ASB15: variants seen among roughly 807,000 people sequenced by gnomAD.
ASB15 encodes ankyrin repeat and SOCS box protein 15.
ASB15 carries 54 observed loss-of-function variants against 58.0 expected under a neutral mutation model. The ratio of observed to expected loss-of-function variants is 0.93; its 90% CI spans 0.75 to 1.17. The LOEUF (loss-of-function observed/expected upper bound fraction) is 1.17. Ranked by LOEUF, ASB15 falls within the 50% of genes most tolerant of loss-of-function variation. The pLI, the probability that ASB15 is intolerant of heterozygous loss-of-function variation, is 0.00. For synonymous variants in ASB15, 249 were observed against 262.4 expected (o/e 0.95, Z 0.50); for missense variants, 680 against 707.4 (o/e 0.96, Z 0.44).
chr7:123,602,918 T>G (rs969418849), intron 1 of ASB15, among the ~76,000 whole-genome samples: 2 of 152,136 alleles, frequency 1.3e-5, no homozygotes, highest in African/African-American at 4.8e-5. Flanking sequence ...ACTAGATATG[T>G]GGGCTTAGGT....
At position 123,636,884 on chromosome 7, in the gene ASB15, C is replaced by G. The variant is rs759111780; in HGVS notation, c.1670C>G (p.Pro557Arg). The change falls in exon 12 of 12, where the codon CCA (proline) becomes CGA (arginine). Residue 557 changes from proline to arginine, a missense_variant. Coordinates refer to ENST00000451215, the MANE Select transcript of ASB15 (RefSeq NM_001290258.2). ...ATGGGTCTCCAGAAACTCTGCCAGC[C>G]AGCCTCAGTGGAGAAGCTTCCTCTA... ...RLMGLQKLCQ[P>R]ASVEKLPLPP... 2 of 1,605,762 alleles carry G rather than the reference C, an allele frequency of 1.2e-6. No individual in the cohort carries two copies. The highest frequency in any genetic ancestry group is 1.7e-5 in the Admixed American group (1 of 59,972).
At chr7:123,624,313 C>T (rs1161399994) in intron 7 of ASB15, among the ~76,000 whole-genome samples, 1 of 152,032 alleles carries the variant, frequency 6.6e-6, no homozygotes. Context: ...CCTAGTGATA[C>T]GTGTTATTTT....
chr7:123,596,082 T>C, intron 1 of ASB15, among the ~76,000 whole-genome samples: 1 of 152,168 alleles, frequency 6.6e-6, no homozygotes, highest in Non-Finnish European at 1.5e-5. Context: ...ACTTATACTG[T>C]TCTACTAAAG....
At chr7:123,624,281 AAG>A (rs1304770494) in intron 7 of ASB15, among the ~76,000 whole-genome samples, 1 of 152,220 alleles carries the variant, frequency 6.6e-6, no homozygotes, top group East Asian at 1.9e-4. Context: ...AAAATTTGGA[AAG>A]AGGGCACACA....
intron 11 of ASB15, among the ~76,000 whole-genome samples, chr7:123,630,401 C>T (rs1208043319): frequency 6.6e-6 from 1 of 152,136 alleles, no homozygotes; most frequent in South Asian, 2.1e-4. Context: ...TCATACAATA[C>T]GTAGACTGCA....
chr7:123,607,981 A>G (rs1483860984), intron 2 of ASB15, among the ~76,000 whole-genome samples: 22 of 152,070 alleles, frequency 1.4e-4, no homozygotes. Flanking sequence ...TCCTTCCTAA[A>G]CTGTTATGAG....
intron 3 of ASB15, 71 bp downstream of exon 3, chr7:123,608,725 G>A (rs1325557448): frequency 6.6e-6 from 1 of 152,108 alleles, no homozygotes; most frequent in East Asian, 1.9e-4. Context: ...TGAAATTTTT[G>A]GGGAACTAGT....
intron 1 of ASB15, among the ~76,000 whole-genome samples, chr7:123,586,779 T>G (rs1343883422): frequency 6.6e-6 from 1 of 151,772 alleles, no homozygotes; most frequent in African/African-American, 2.4e-5. Context: ...ATATCCAGTT[T>G]TCCCAACATG....
chr7:123,631,203 A>G (rs1014495363), intron 11 of ASB15, among the ~76,000 whole-genome samples: 1 of 152,176 alleles, frequency 6.6e-6, no homozygotes, highest in Non-Finnish European at 1.5e-5. Context: ...CAAGTTACTT[A>G]TTCTTCTTAT....
At chr7:123,619,202 A>AGC (rs1801054594) in intron 7 of ASB15, among the ~76,000 whole-genome samples, 1 of 148,802 alleles carries the variant, frequency 6.7e-6, no homozygotes, top group Non-Finnish European at 1.5e-5. Flanking sequence ...AAAAAAAAAA[A>AGC]AGAAGTCACA....
intron 1 of ASB15, among the ~76,000 whole-genome samples, chr7:123,588,048 T>C (rs1799424837): frequency 6.6e-6 from 1 of 151,862 alleles, no homozygotes; most frequent in Non-Finnish European, 1.5e-5. Context: ...GCTGGCCTTA[T>C]AAAATGAGTT....
intron 7 of ASB15, among the ~76,000 whole-genome samples, chr7:123,621,959 CT>C (rs1343675901): frequency 6.6e-6 from 1 of 152,198 alleles, no homozygotes; most frequent in Non-Finnish European, 1.5e-5. Flanking sequence ...TCCCACTGCC[CT>C]CCATTCCTGA....
chr7:123,627,227 C>G lies in ASB15; in HGVS notation c.815C>G (p.Pro272Arg), dbSNP rs764734262. 1.9e-5 allele frequency: 30 copies of G among 1,613,836 alleles called. No homozygotes were observed. In the Admixed American group the frequency reaches 4.2e-4, roughly 22 times the overall value. The stretch of plus-strand genomic sequence containing the variant: ...GAATATGGAGGAAGCGGAAATGTAC[C>G]TAACCGAGCAGGACATCTTCCTATA... The part of the protein sequence containing the change: ...LLEYGGSGNV[P>R]NRAGHLPIHR... Residue 272 changes from proline to arginine, a missense_variant, in exon 9 of 12, where the codon CCT (proline) becomes CGT (arginine). Physicochemically the swap from Pro to Arg is moderately radical, Grantham distance 103. Coordinates refer to ENST00000451215, the MANE Select transcript of ASB15 (RefSeq NM_001290258.2).
At position 123,627,143 on chromosome 7, in the gene ASB15, C is replaced by T. The variant is rs758269356; in HGVS notation, c.731C>T (p.Ala244Val). ...GDVLALADDG[A>V]SVLFEAAGGG... ...GTGCTTGCTTTGGCGGATGATGGGG[C>T]GTCGGTGCTGTTTGAGGCAGCAGGA... Residue 244 changes from alanine to valine, a missense_variant, in exon 9 of 12, where the codon GCG (alanine) becomes GTG (valine). Transcript: ENST00000451215. 19 of 1,613,576 alleles carry T rather than the reference C, an allele frequency of 1.2e-5. No individual in the cohort carries two copies. Among genetic ancestry groups the T allele is most frequent in the East Asian group, 4.5e-5 (2 of 44,876 alleles).
In ASB15 at chr7:123,636,897, G is replaced by A; in HGVS notation, c.1683G>A (p.Glu561=). Reference sequence around the variant, plus strand: ...AACTCTGCCAGCCAGCCTCAGTGGAGAAGCTTCCTCTACCACCAGCTATTC... The same window carrying A: ...AACTCTGCCAGCCAGCCTCAGTGGAAAAGCTTCCTCTACCACCAGCTATTC... The part of the protein sequence containing the change: ...LQKLCQPASV[E]KLPLPPAIQR... Residue 561 remains glutamate (E), a synonymous_variant, in exon 12 of 12, where the codon GAG becomes GAA. Transcript: ENST00000451215. The A allele has an allele frequency of 1.3e-6, 2 of 1,599,980 alleles. No individual in the cohort carries two copies. Among genetic ancestry groups the A allele is most frequent in the Non-Finnish European group, 1.7e-6 (2 of 1,167,538 alleles).
intron 1 of ASB15, among the ~76,000 whole-genome samples, chr7:123,572,838 A>G (rs1005398604): frequency 6.7e-6 from 1 of 149,438 alleles, no homozygotes; most frequent in African/African-American, 2.5e-5. Context: ...CCATCTTTTA[A>G]ATTTATTATG....
intron 1 of ASB15, among the ~76,000 whole-genome samples, chr7:123,579,270 T>C (rs805783): frequency 0.24 from 37,202 of 151,998 alleles, 4,711 homozygotes; most frequent in East Asian, 0.4. Flanking sequence ...ATGGTGTAGA[T>C]ATACTACATT....
intron 8 of ASB15, among the ~76,000 whole-genome samples, chr7:123,626,644 T>C (rs940796831): frequency 6.6e-6 from 1 of 152,216 alleles, no homozygotes; most frequent in African/African-American, 2.4e-5. Flanking sequence ...TGACTGTTTA[T>C]TGAAAGTATA....
intron 6 of ASB15, 60 bp from the exon 7 acceptor site, chr7:123,617,519 T>G (rs1800903260): frequency 7.0e-7 from 1 of 1,422,114 alleles, no homozygotes; most frequent in African/African-American, 1.4e-5. Context: ...TGCTCTGATT[T>G]GTGTAATATC....
Sources: allele counts gnomAD v4.1 joint callset (sites outside exome capture counted in the v4.1 genomes callset), GRCh38; gene constraint gnomAD v4.1.1; transcripts MANE v1.5; gene names NCBI Gene and HGNC (gene_info 2026-07-23, HGNC 2026-07-21).